NAB1: variants seen among roughly 807,000 people sequenced by gnomAD.
NAB1 encodes NGFI-A-binding protein 1.
In NAB1, 25 loss-of-function variants were observed where a neutral mutation model predicts 49.9. The observed-to-expected ratio is 0.50, with a 90% CI of 0.37 to 0.70. NAB1 has a LOEUF of 0.70. Among genes scored for constraint, NAB1 ranks in the 30% least tolerant of loss-of-function variants. The pLI, the probability that NAB1 is intolerant of heterozygous loss-of-function variation, is 0.00. For synonymous variants in NAB1, 198 were observed against 215.6 expected (o/e 0.92, Z 0.71); for missense variants, 489 against 575.9 (o/e 0.85, Z 1.54).
intron 9 of NAB1, 141 bp downstream of exon 9, chr2:190,687,458 A>G (rs1225640514): frequency 3.7e-6 from 2 of 544,756 alleles, no homozygotes; most frequent in Non-Finnish European, 6.3e-6. Context: ...GAGTATCCCT[A>G]ACTGGAAAAT....
chr2:190,687,256 T>C lies in NAB1; in HGVS notation c.1314T>C (p.His438=). The change falls in exon 9 of 10, where the codon CAT becomes CAC. Residue 438 remains histidine, a synonymous_variant. Coordinates refer to ENST00000337386, the MANE Select transcript of NAB1 (RefSeq NM_005966.4). ...ATTTACAGAACAGACAACCCCATCA[T>C]TTTGTGGTGGATGGGGAGCTGAGCA... is the stretch of plus-strand genomic sequence containing the variant. The part of the protein sequence containing the change: ...MPNLQNRQPH[H]FVVDGELSRL... 1 of 1,600,552 alleles carries C rather than the reference T, an allele frequency of 6.2e-7. No homozygotes were observed. The highest frequency in any genetic ancestry group is 8.5e-7 in the Non-Finnish European group (1 of 1,176,352).
At chr2:190,662,505 C>T (rs1694278018) in intron 4 of NAB1, among the ~76,000 whole-genome samples, 1 of 151,890 alleles carries the variant, frequency 6.6e-6, no homozygotes. Flanking sequence ...AACCACACAC[C>T]TTGCTGGTGT....
At chr2:190,665,547 C>G (rs980353377) in intron 4 of NAB1, among the ~76,000 whole-genome samples, 4 of 152,014 alleles carry the variant, frequency 2.6e-5, no homozygotes, top group Non-Finnish European at 5.9e-5. Flanking sequence ...TGCCTTGTTT[C>G]TTTTGATGTT....
In NAB1 at chr2:190,668,362, A is replaced by G. The variant is rs573855165; in HGVS notation, c.820-1964A>G. On this transcript the variant is annotated intron_variant, in intron 4 of 9. Coordinates refer to ENST00000337386, the MANE Select transcript of NAB1 (RefSeq NM_005966.4). ...GAAAACTGGAGGTAGTTTGATGTCC[A>G]GAGTGAAGGTAGTTTAAATAATATA... 2.0e-5 allele frequency among the ~76,000 whole-genome samples: 3 copies of G among 152,294 alleles called. No individual in the cohort carries two copies. The East Asian group carries it at 5.8e-4, about 29-fold the overall frequency.
chr2:190,658,047 T>C (rs1385509466), intron 3 of NAB1, among the ~76,000 whole-genome samples: 1 of 152,214 alleles, frequency 6.6e-6, no homozygotes, highest in African/African-American at 2.4e-5. Context: ...TCCAGGCAAC[T>C]GTGAACAACT....
intron 2 of NAB1, among the ~76,000 whole-genome samples, chr2:190,653,136 T>G (rs958412610): frequency 1.3e-5 from 2 of 152,212 alleles, no homozygotes; most frequent in African/African-American, 2.4e-5. Flanking sequence ...CTTTTCTGTT[T>G]CAGCCTCTCG....
chr2:190,685,848 T>C lies in NAB1; in HGVS notation c.1258+210T>C, dbSNP rs1304102491. On this transcript the variant is annotated intron_variant, in intron 8 of 9. Transcript: ENST00000337386. The surrounding 1 kb of genome is among the most constrained non-coding windows in gnomAD (Gnocchi z 4.5). ...TGTAAATTTTTTAATCTTTAAGCAG[T>C]TGGCACCTGAGATTGACATGTATTA... Among the ~76,000 whole-genome samples, 2 of 152,352 alleles carry C rather than the reference T, an allele frequency of 1.3e-5. No homozygotes were observed. The highest frequency in any genetic ancestry group is 6.8e-3 in the Middle Eastern group (2 of 294).
Position 190,683,467 on chromosome 2 carries a change from G to A in NAB1, c.1006-271G>A, listed in dbSNP as rs569243573. Among the ~76,000 whole-genome samples the A allele has an allele frequency of 1.7e-3, 255 of 151,840 alleles. 1 individual carries two copies. Among genetic ancestry groups the A allele is most frequent in the African/African-American group, 5.0e-3 (207 of 41,386 alleles). On this transcript the variant is annotated intron_variant, in intron 6 of 9. Coordinates refer to ENST00000337386, the MANE Select transcript of NAB1 (RefSeq NM_005966.4). ...AGCCTAGGTGAAATGTTATATAACC[G>A]TTATTATCAATGATCATAAAGCCTT... is the stretch of plus-strand genomic sequence containing the variant.
In NAB1 at chr2:190,677,146, G is replaced by A. The variant is rs1197119785; in HGVS notation, c.1005+3994G>A. The A allele has an allele frequency of 6.6e-6, 1 of 151,994 alleles. No individual in the cohort carries two copies. The highest frequency in any genetic ancestry group is 1.5e-5 in the Non-Finnish European group (1 of 67,996). The allele number at this position is 151,994 out of a possible 1,614,324, so 9.4% of individuals were successfully genotyped here. ...CTTGTCTGATTTTTCTACCTGGAAAGCTCTTATTTATGTAGTAGGTTGTTC... is the reference window on the plus strand; with the variant it reads ...CTTGTCTGATTTTTCTACCTGGAAAACTCTTATTTATGTAGTAGGTTGTTC... On this transcript the variant is annotated intron_variant, in intron 6 of 9. Coordinates refer to ENST00000337386, the MANE Select transcript of NAB1 (RefSeq NM_005966.4). This position sits in a 1 kb window ranked among gnomAD's most constrained non-coding sequence, Gnocchi z 5.6.
intron 4 of NAB1, among the ~76,000 whole-genome samples, chr2:190,660,600 C>T (rs115384486): frequency 3.9e-4 from 60 of 152,242 alleles, no homozygotes; most frequent in African/African-American, 1.4e-3. Flanking sequence ...TTATACTTCA[C>T]GTGTGTGTAT....
Position 190,691,004 on chromosome 2 carries a change from G to A in NAB1, c.*671G>A, listed in dbSNP as rs1422569314. On this transcript the variant is annotated 3_prime_UTR_variant, in exon 10 of 10. Transcript: ENST00000337386. The surrounding 1 kb of genome is among the most constrained non-coding windows in gnomAD (Gnocchi z 4.1). ...ACAATAAATACTTGAGTGGAGGAAA[G>A]TTAAAAAGATGAGCAATAGAGTAGA... The A allele has an allele frequency of 3.9e-5, 6 of 152,566 alleles. No homozygotes were observed. The highest frequency in any genetic ancestry group is 7.4e-5 in the Non-Finnish European group (5 of 67,980). 9.5% of individuals were successfully genotyped at this position (152,566 alleles called of 1,614,324 possible). A position where few individuals can be genotyped will look rare whatever the true frequency, so the allele number is the denominator to read the frequency against.
intron 2 of NAB1, among the ~76,000 whole-genome samples, chr2:190,650,440 G>C (rs1017874370): frequency 6.6e-6 from 1 of 152,172 alleles, no homozygotes; most frequent in African/African-American, 2.4e-5. Context: ...GATTGCATAG[G>C]AACAGAGGAG....
In NAB1 at chr2:190,663,885, C is replaced by A. The variant is rs1694353190; in HGVS notation, c.819+3890C>A. Among the ~76,000 whole-genome samples the A allele has an allele frequency of 6.6e-6, 1 of 151,908 alleles. No individual in the cohort carries two copies. Among genetic ancestry groups the A allele is most frequent in the South Asian group, 2.1e-4 (1 of 4,828 alleles). On this transcript the variant is annotated intron_variant, in intron 4 of 9. Transcript: ENST00000337386. This position sits in a 1 kb window ranked among gnomAD's most constrained non-coding sequence, Gnocchi z 4.2. ...GACCATGTGTTATTTAAAAGTGTTT[C>A]TTTATTTCCAAATATGAGTAATTTT...
rs1190192182 is a variant in NAB1, at chr2:190,682,961, C to T, written c.1006-777C>T. 6.6e-6 allele frequency among the ~76,000 whole-genome samples: 1 copy of T among 152,036 alleles called. No individual in the cohort carries two copies. The highest frequency in any genetic ancestry group is 1.5e-5 in the Non-Finnish European group (1 of 68,020). On this transcript the variant is annotated intron_variant, in intron 6 of 9. Coordinates refer to ENST00000337386, the MANE Select transcript of NAB1 (RefSeq NM_005966.4). This position sits in a 1 kb window ranked among gnomAD's most constrained non-coding sequence, Gnocchi z 4.1. ...TTTTGTAGTAGATAATCTAAGCTAT[C>T]GAAAATGCTATCTCCATGAAAATAT...
rs1431340994 is a variant in NAB1, at chr2:190,685,141, C to T, written c.1096-335C>T. 3.3e-5 allele frequency among the ~76,000 whole-genome samples: 5 copies of T among 152,154 alleles called. No individual in the cohort carries two copies. The highest frequency in any genetic ancestry group is 5.9e-5 in the Non-Finnish European group (4 of 68,022). ...TAGAAGTAGTTTATAGCAGATGTTG[C>T]TGTTGCTTTTAGATTTCTGTTTTAA... On this transcript the variant is annotated intron_variant, in intron 7 of 9. Transcript: ENST00000337386. The surrounding 1 kb of genome is among the most constrained non-coding windows in gnomAD (Gnocchi z 4.5).
chr2:190,664,412 C>T (rs1694383855), intron 4 of NAB1, among the ~76,000 whole-genome samples: 1 of 151,326 alleles, frequency 6.6e-6, no homozygotes, highest in Non-Finnish European at 1.5e-5. Flanking sequence ...GGTGAGATCA[C>T]AGCTTACTGT....
Position 190,679,517 on chromosome 2 carries a change from A to G in NAB1, c.1006-4221A>G, listed in dbSNP as rs899538214. Among the ~76,000 whole-genome samples the G allele has an allele frequency of 6.6e-6, 1 of 152,172 alleles. No homozygotes were observed. The highest frequency in any genetic ancestry group is 1.5e-5 in the Non-Finnish European group (1 of 68,026). The stretch of plus-strand genomic sequence containing the variant: ...TGAGGTTCCCCCATCCAGCTTTTTC[A>G]GTATTCTCATGGTTGAATAATCCTG... On this transcript the variant is annotated intron_variant, in intron 6 of 9. Coordinates refer to ENST00000337386, the MANE Select transcript of NAB1 (RefSeq NM_005966.4). The surrounding 1 kb of genome is among the most constrained non-coding windows in gnomAD (Gnocchi z 5.3).
chr2:190,683,577 A>G (rs565527088), intron 6 of NAB1, among the ~76,000 whole-genome samples, 161 bp from the exon 7 acceptor site: 17 of 152,120 alleles, frequency 1.1e-4, no homozygotes, highest in Admixed American at 2.0e-4. Flanking sequence ...AAAATAATGT[A>G]TGTTTCATAA....
At chr2:190,688,718 A>G (rs1034633980) in intron 9 of NAB1, among the ~76,000 whole-genome samples, 5 of 152,196 alleles carry the variant, frequency 3.3e-5, no homozygotes. Context: ...GTTTTTAGGT[A>G]GAACCGAATG....
Sources: allele counts gnomAD v4.1 joint callset (sites outside exome capture counted in the v4.1 genomes callset), GRCh38; gene constraint gnomAD v4.1.1; non-coding constraint Gnocchi (gnomAD v3.1); transcripts MANE v1.5; gene names NCBI Gene and HGNC (gene_info 2026-07-23, HGNC 2026-07-21).